BTBD16: variants seen among roughly 807,000 people sequenced by gnomAD.
The protein encoded by BTBD16 is BTB domain containing 16, also known as BTB/POZ domain-containing protein 16.
A neutral mutation model predicts 67.4 loss-of-function variants in BTBD16; 66 were observed. The ratio of observed to expected loss-of-function variants is 0.98; its 90% CI spans 0.80 to 1.20. BTBD16 has a LOEUF of 1.20. Among genes scored for constraint, BTBD16 ranks in the 50% most tolerant of loss-of-function variants. BTBD16 has a pLI of 0.00. For synonymous variants in BTBD16, 242 were observed against 236.4 expected (o/e 1.02, Z -0.22); for missense variants, 634 against 616.0 (o/e 1.03, Z -0.31).
chr10:122,304,938 G>A (rs1195368971), intron 9 of BTBD16, among the ~76,000 whole-genome samples: 1 of 152,154 alleles, frequency 6.6e-6, no homozygotes. Context: ...GCTAGGACCT[G>A]ACCCTGCCAC....
chr10:122,294,280 A>G, intron 7 of BTBD16: 2 of 920,252 alleles, frequency 2.2e-6, no homozygotes, highest in Non-Finnish European at 2.6e-6. Context: ...CTCTGATAGC[A>G]TCACAACGTT....
intron 4 of BTBD16, among the ~76,000 whole-genome samples, chr10:122,285,078 T>C (rs531741702): frequency 6.6e-6 from 1 of 152,176 alleles, no homozygotes; most frequent in South Asian, 2.1e-4. Context: ...ACAATAATAA[T>C]AGCAGGAAGA....
intron 7 of BTBD16, among the ~76,000 whole-genome samples, chr10:122,297,259 A>G (rs7907952): frequency 0.56 from 85,754 of 152,112 alleles, 25,343 homozygotes; most frequent in East Asian, 0.91. Context: ...TATGTGTTCA[A>G]TGAATAGATC....
chr10:122,290,710 T>G (rs1357583980), intron 6 of BTBD16, among the ~76,000 whole-genome samples: 1 of 152,044 alleles, frequency 6.6e-6, no homozygotes, highest in Non-Finnish European at 1.5e-5. Context: ...AAGATATATG[T>G]TGTCTCCAGA....
intron 8 of BTBD16, 21 bp from the exon 9 acceptor site, chr10:122,298,983 A>T (rs1219473862): frequency 6.2e-7 from 1 of 1,612,450 alleles, no homozygotes; most frequent in Non-Finnish European, 8.5e-7. Context: ...TCCTTCATCA[A>T]CTGGCTTTTT....
chr10:122,301,155 C>T (rs1437893503), intron 9 of BTBD16, among the ~76,000 whole-genome samples: 1 of 152,130 alleles, frequency 6.6e-6, no homozygotes, highest in Non-Finnish European at 1.5e-5. Flanking sequence ...AAAGGTTGCG[C>T]AATTGTTGAG....
chr10:122,328,517 G>A (rs996918006), intron 10 of BTBD16, among the ~76,000 whole-genome samples: 3 of 152,182 alleles, frequency 2.0e-5, no homozygotes, highest in African/African-American at 7.2e-5. Context: ...AAACGGTTCC[G>A]GGAAAGCTGG....
chr10:122,320,365 T>C (rs2096433365), intron 10 of BTBD16, among the ~76,000 whole-genome samples: 1 of 151,958 alleles, frequency 6.6e-6, no homozygotes, highest in Non-Finnish European at 1.5e-5. Context: ...GTTGAGGAGG[T>C]TCCTTTTATA....
chr10:122,305,351 G>A (rs1212338887), intron 9 of BTBD16, among the ~76,000 whole-genome samples: 1 of 152,196 alleles, frequency 6.6e-6, no homozygotes, highest in African/African-American at 2.4e-5. Context: ...ATGGGACCTG[G>A]TGAGAGGTGA....
chr10:122,297,620 C>A, intron 7 of BTBD16, 148 bp from the exon 8 acceptor site: 1 of 782,838 alleles, frequency 1.3e-6, no homozygotes, highest in Non-Finnish European at 2.1e-6. Context: ...GTCTTGTCCT[C>A]TGGCCAAATG....
Position 122,307,256 on chromosome 10 carries a change from T to A in BTBD16, c.859T>A (p.Tyr287Asn). ...TTTGTGGGTCTTCTTGCAACTGAAC[T>A]ACAAGATTCAGGCAATTCCGACTTA... ...MLLWVFLQLN[Y>N]KIQAIPTYET... Residue 287 changes from tyrosine (Y) to asparagine (N), a missense_variant, in exon 10 of 16, where the codon TAC becomes AAC. Physicochemically the swap from Tyr to Asn is moderately radical, Grantham distance 143 (BLOSUM62 -2). Transcript: ENST00000260723. The A allele has an allele frequency of 6.2e-7, 1 of 1,610,760 alleles. No homozygotes were observed. The highest frequency in any genetic ancestry group is 1.3e-5 in the African/African-American group (1 of 74,948).
chr10:122,288,894 C>T (rs762801934), intron 5 of BTBD16, among the ~76,000 whole-genome samples: 2 of 152,052 alleles, frequency 1.3e-5, no homozygotes, highest in Non-Finnish European at 2.9e-5. Context: ...GCAGGGGTTG[C>T]AGGCCATGTG....
intron 10 of BTBD16, among the ~76,000 whole-genome samples, chr10:122,322,059 T>A (rs550302247): frequency 2.1e-4 from 32 of 152,314 alleles, no homozygotes; most frequent in Non-Finnish European, 4.3e-4. Context: ...CAGATATTGA[T>A]AATTTGTATA....
chr10:122,311,633 T>G (rs1280724901), intron 10 of BTBD16, among the ~76,000 whole-genome samples: 1 of 152,218 alleles, frequency 6.6e-6, no homozygotes, highest in East Asian at 1.9e-4. Context: ...AATTTTCAAC[T>G]TTTTAAAAGA....
intron 7 of BTBD16, chr10:122,294,103 A>T: frequency 1.0e-6 from 1 of 984,614 alleles, no homozygotes. Context: ...GATTCTCCAG[A>T]TAATTGTGGT....
At chr10:122,272,105 A>G (rs77725518) in intron 1 of BTBD16, among the ~76,000 whole-genome samples, 4 of 152,170 alleles carry the variant, frequency 2.6e-5, no homozygotes, top group Non-Finnish European at 4.4e-5. Flanking sequence ...TGTGAGGTAA[A>G]GGGATCAGAA....
chr10:122,310,643 A>G (rs2096412154), intron 10 of BTBD16, among the ~76,000 whole-genome samples: 1 of 152,324 alleles, frequency 6.6e-6, no homozygotes, highest in East Asian at 1.9e-4. Flanking sequence ...ACCCCAGGGG[A>G]GACAGTAAAC....
chr10:122,295,389 G>A (rs2096381317), intron 7 of BTBD16: 1 of 985,312 alleles, frequency 1.0e-6, no homozygotes. Context: ...GCAATGGCCA[G>A]AGGTTTGGAT....
chr10:122,331,687 G>C (rs1484796068), intron 12 of BTBD16, among the ~76,000 whole-genome samples: 1 of 152,128 alleles, frequency 6.6e-6, no homozygotes, highest in African/African-American at 2.4e-5. Flanking sequence ...TTTCCATGCG[G>C]CATTTCCCCT....
Sources: allele counts gnomAD v4.1 joint callset (sites outside exome capture counted in the v4.1 genomes callset), GRCh38; gene constraint gnomAD v4.1.1; transcripts MANE v1.5; gene names NCBI Gene and HGNC (gene_info 2026-07-23, HGNC 2026-07-21).